The following TFAP2D variants were observed in gnomAD, a reference collection of about 807,000 sequenced individuals.
TFAP2D encodes the protein transcription factor AP-2 delta.
Under a neutral mutation model 43.6 loss-of-function variants are expected in TFAP2D, and 9 were observed. That is an observed-to-expected ratio of 0.21 (90% confidence interval 0.12 to 0.36). The LOEUF (loss-of-function observed/expected upper bound fraction) is 0.36. Among genes scored for constraint, TFAP2D ranks in the 10% least tolerant of loss-of-function variants. The probability of loss-of-function intolerance (pLI) is 1.00; values close to 1 mark genes in which losing one functional copy is unlikely to be tolerated. For synonymous variants in TFAP2D, 256 were observed against 224.9 expected, an observed-to-expected ratio of 1.14 and a Z score of -1.24; for missense variants, 513 against 561.4, an observed-to-expected ratio of 0.91 and a Z score of 0.87.
chr6:50,757,543 A>G (rs1316931057), intron 7 of TFAP2D, among the ~76,000 whole-genome samples: 1 of 80,646 alleles, frequency 1.2e-5, no homozygotes, highest in South Asian at 4.3e-4. Flanking sequence ...CTATATATAT[A>G]GAATACATAT....
At chr6:50,742,635 A>AGAT (rs1481455625) in intron 5 of TFAP2D, among the ~76,000 whole-genome samples, 24 of 146,936 alleles carry the variant, frequency 1.6e-4, no homozygotes, top group Non-Finnish European at 2.9e-4. Flanking sequence ...GATAGATGAT[A>AGAT]GATAGATAGA....
intron 3 of TFAP2D, among the ~76,000 whole-genome samples, chr6:50,724,329 A>T (rs776905322): frequency 6.6e-6 from 1 of 152,138 alleles, no homozygotes; most frequent in African/African-American, 2.4e-5. Context: ...GAGAAGAAAA[A>T]TCCCTGCCGT....
At chr6:50,733,658 T>C (rs2114041269) in intron 5 of TFAP2D, among the ~76,000 whole-genome samples, 1 of 152,264 alleles carries the variant, frequency 6.6e-6, no homozygotes, top group East Asian at 1.9e-4. Context: ...CATATTTTAC[T>C]TCAGAAGTAT....
In TFAP2D at chr6:50,772,832, G is replaced by A. The variant is rs78823892; in HGVS notation, c.1327G>A (p.Val443Met). 207 of 1,613,836 alleles carry A rather than the reference G, an allele frequency of 1.3e-4. No individual in the cohort carries two copies. In the East Asian group the frequency reaches 3.9e-3, roughly 31 times the overall value. Residue 443 changes from valine to methionine, a missense_variant, in exon 8 of 8, where the codon GTG becomes ATG. Physicochemically the swap from Val to Met is conservative, Grantham distance 21 (BLOSUM62 1). Around this residue, in one of 3 missense-constraint regions of TFAP2D, gnomAD observed 199 missense variants for 227.9 expected, o/e 0.87. Coordinates refer to ENST00000008391, the MANE Select transcript of TFAP2D (RefSeq NM_172238.4). ...CCTGCGGAAAACTTCAGAGGCTGCCGTGAAAGAGGGCAAAACAGAAAAGAC... is the reference window on the plus strand; with the variant it reads ...CCTGCGGAAAACTTCAGAGGCTGCCATGAAAGAGGGCAAAACAGAAAAGAC... ...APLRKTSEAAVKEGKTEKTD is the reference protein window; with the variant it reads ...APLRKTSEAAMKEGKTEKTD
intron 7 of TFAP2D, among the ~76,000 whole-genome samples, chr6:50,758,195 A>G (rs1229517091): frequency 6.6e-6 from 1 of 151,904 alleles, no homozygotes; most frequent in East Asian, 1.9e-4. Context: ...AGGAATGTAT[A>G]GACAGTCCCA....
At chr6:50,754,744 T>C (rs6937030) in intron 7 of TFAP2D, among the ~76,000 whole-genome samples, 7,704 of 152,030 alleles carry the variant, frequency 0.051, 662 homozygotes, top group African/African-American at 0.17. Context: ...GAACATCTTT[T>C]CATATGCTTC....
rs1241441050 is a variant in TFAP2D at position 50,738,553 on chromosome 6, T to C, written c.884-6554T>C. ...TAAATCTATGATCCATCTGGACTTT[T>C]GTTTCATGGCCAAATGTATGCTACA... On this transcript the variant is annotated intron_variant, in intron 5 of 7. Transcript: ENST00000008391. Among the ~76,000 whole-genome samples the C allele has an allele frequency of 2.6e-5, 4 of 152,206 alleles. No homozygotes were observed. The South Asian group carries it at 6.2e-4, about 24-fold the overall frequency.
intron 3 of TFAP2D, among the ~76,000 whole-genome samples, chr6:50,727,890 T>A (rs898198435): frequency 6.6e-6 from 1 of 152,110 alleles, no homozygotes; most frequent in African/African-American, 2.4e-5. Context: ...GGGGGAGGAA[T>A]TGGACAGTGG....
chr6:50,741,804 C>A (rs1343960562), intron 5 of TFAP2D, among the ~76,000 whole-genome samples: 1 of 150,920 alleles, frequency 6.6e-6, no homozygotes, highest in Non-Finnish European at 1.5e-5. Context: ...GGGTGTTCTA[C>A]TTCTCTCCCA....
chr6:50,733,311 A>C (rs1331313696), intron 5 of TFAP2D, among the ~76,000 whole-genome samples: 2 of 152,084 alleles, frequency 1.3e-5, no homozygotes, highest in Admixed American at 1.3e-4. Flanking sequence ...TATAGGTAAT[A>C]ATTAGATATA....
Position 50,715,306 on chromosome 6 carries a change from A to G in TFAP2D, c.230A>G (p.Glu77Gly). The change falls in exon 2 of 8, where the codon GAG becomes GGG. Residue 77 changes from glutamate (E) to glycine (G), a missense_variant. This residue lies in a region of TFAP2D where 311 missense variants were observed against 316.2 expected (regional missense o/e 0.98). Transcript: ENST00000008391. Reference protein sequence around the residue: ...TPLHHQSFHYEFQHSHPAVTP... With the variant: ...TPLHHQSFHYGFQHSHPAVTP... ...CTCCACCACCAGTCCTTCCATTACG[A>G]GTTTCAGCACAGCCACCCGGCCGTC... 18 of 1,613,854 alleles carry G rather than the reference A, an allele frequency of 1.1e-5. No individual in the cohort carries two copies. The highest frequency in any genetic ancestry group is 1.4e-5 in the Non-Finnish European group (17 of 1,179,936).
In TFAP2D at chr6:50,725,793, T is replaced by C. The variant is rs138157413; in HGVS notation, c.599-3063T>C. Among the ~76,000 whole-genome samples the C allele has an allele frequency of 4.7e-4, 71 of 152,272 alleles. 1 individual carries two copies. In the East Asian group the frequency reaches 0.013, roughly 28 times the overall value. ...GACCTACTACTTTTTTCCACCTCTC[T>C]AAAGAATAAATCACCAAGAAGAAAG... On this transcript the variant is annotated intron_variant, in intron 3 of 7. Transcript: ENST00000008391.
At chr6:50,734,426 G>C (rs1166234717) in intron 5 of TFAP2D, among the ~76,000 whole-genome samples, 1 of 151,978 alleles carries the variant, frequency 6.6e-6, no homozygotes, top group East Asian at 1.9e-4. Context: ...AAATGTCTTT[G>C]GCTTAACATA....
intron 7 of TFAP2D, among the ~76,000 whole-genome samples, chr6:50,752,879 G>A (rs1769217381): frequency 6.6e-6 from 1 of 151,728 alleles, no homozygotes; most frequent in Non-Finnish European, 1.5e-5. Flanking sequence ...GTTGTTTGGG[G>A]TAACTTACCC....
chr6:50,747,898 A>G (rs1769147414), intron 6 of TFAP2D, among the ~76,000 whole-genome samples: 1 of 152,078 alleles, frequency 6.6e-6, no homozygotes, highest in African/African-American at 2.4e-5. Flanking sequence ...TTCATTAAAC[A>G]TTGTGAGAAC....
At chr6:50,722,787 T>C (rs1371837296) in intron 3 of TFAP2D, among the ~76,000 whole-genome samples, 1 of 151,724 alleles carries the variant, frequency 6.6e-6, no homozygotes, top group African/African-American at 2.4e-5. Flanking sequence ...CTGGTCTGTT[T>C]TGTGAAATCG....
intron 7 of TFAP2D, among the ~76,000 whole-genome samples, chr6:50,768,570 A>G (rs1199217873): frequency 6.6e-6 from 1 of 152,136 alleles, no homozygotes; most frequent in African/African-American, 2.4e-5. Flanking sequence ...CTAAAAGAAT[A>G]GCATGATGTT....
At chr6:50,767,496 C>G (rs992020253) in intron 7 of TFAP2D, among the ~76,000 whole-genome samples, 3 of 152,166 alleles carry the variant, frequency 2.0e-5, no homozygotes, top group African/African-American at 7.2e-5. Flanking sequence ...CCCCTCTGTG[C>G]TATAGTTTTA....
At chr6:50,764,058 A>T (rs1769406869) in intron 7 of TFAP2D, among the ~76,000 whole-genome samples, 1 of 152,200 alleles carries the variant, frequency 6.6e-6, no homozygotes, top group African/African-American at 2.4e-5. Flanking sequence ...ATAATTTAAT[A>T]ACCCAGAGTT....
Sources: allele counts gnomAD v4.1 joint callset (sites outside exome capture counted in the v4.1 genomes callset), GRCh38; gene constraint gnomAD v4.1.1; regional missense constraint gnomAD v4.1.1; transcripts MANE v1.5; gene names NCBI Gene and HGNC (gene_info 2026-07-23, HGNC 2026-07-21).